ZNF787: variants seen among roughly 807,000 people sequenced by gnomAD.
ZNF787 encodes the protein TTF-I-interacting peptide 20.
A neutral mutation model predicts 16.9 loss-of-function variants in ZNF787; 7 were observed. The ratio of observed to expected loss-of-function variants is 0.42; its 90% CI spans 0.24 to 0.78. The LOEUF is 0.78. ZNF787 is among the 30% of genes least tolerant of loss of function. ZNF787 has a pLI of 0.30. For synonymous variants in ZNF787, 345 were observed against 270.9 expected (o/e 1.27, Z -2.69); for missense variants, 551 against 589.3 (o/e 0.94, Z 0.67).
intron 1 of ZNF787, among the ~76,000 whole-genome samples, chr19:56,110,902 G>A (rs900227572): frequency 3.9e-5 from 6 of 152,236 alleles, no homozygotes; most frequent in African/African-American, 1.4e-4. Context: ...TGCCCAGCTA[G>A]GCACAAGGCA....
Position 56,117,968 on chromosome 19 carries a change from T to G in ZNF787, c.-11+3204A>C, listed in dbSNP as rs554187156. Among the ~76,000 whole-genome samples the G allele has an allele frequency of 1.0e-3, 152 of 152,356 alleles. 1 individual carries two copies. The highest frequency in any genetic ancestry group is 1.7e-3 in the Non-Finnish European group (116 of 68,034). ...GCACAAGAGAGACGTCCACACTCTGTGAGCCCAAAGGGAGAAGGCTCAGGC... is the reference window on the plus strand; with the variant it reads ...GCACAAGAGAGACGTCCACACTCTGGGAGCCCAAAGGGAGAAGGCTCAGGC... On this transcript the variant is annotated intron_variant, in intron 1 of 2. Transcript: ENST00000610935.
chr19:56,099,719 A>AAAAAG (rs1986016718), intron 2 of ZNF787, among the ~76,000 whole-genome samples: 1 of 150,908 alleles, frequency 6.6e-6, no homozygotes, highest in Non-Finnish European at 1.5e-5. Flanking sequence ...TCAAAAAAAA[A>AAAAAG]AAAAAAGAAA....
At chr19:56,115,064 G>T (rs554554216) in intron 1 of ZNF787, among the ~76,000 whole-genome samples, 1 of 152,118 alleles carries the variant, frequency 6.6e-6, no homozygotes, top group East Asian at 1.9e-4. Context: ...TCTTGCATGG[G>T]GCCCTCATTT....
intron 1 of ZNF787, among the ~76,000 whole-genome samples, chr19:56,110,585 G>A (rs1193623655): frequency 2.6e-5 from 4 of 151,852 alleles, no homozygotes; most frequent in African/African-American, 9.7e-5. Context: ...TGAGGAGGTG[G>A]TGGGGGCTGC....
chr19:56,106,653 T>C (rs554543380), intron 1 of ZNF787, among the ~76,000 whole-genome samples: 1 of 151,762 alleles, frequency 6.6e-6, no homozygotes, highest in African/African-American at 2.4e-5. Context: ...CCCCACCTCG[T>C]TCCCCAACAA....
chr19:56,090,783 C>A (rs377119242), intron 2 of ZNF787, among the ~76,000 whole-genome samples: 6 of 152,356 alleles, frequency 3.9e-5, no homozygotes, highest in African/African-American at 1.2e-4. Flanking sequence ...GATCACACCA[C>A]TGCATTCCAG....
At chr19:56,093,361 G>A (rs531892107) in intron 2 of ZNF787, among the ~76,000 whole-genome samples, 1 of 152,222 alleles carries the variant, frequency 6.6e-6, no homozygotes, top group East Asian at 1.9e-4. Flanking sequence ...GAACTGGGAT[G>A]CCCTATATTA....
At chr19:56,096,788 GT>G in intron 2 of ZNF787, among the ~76,000 whole-genome samples, 1 of 152,070 alleles carries the variant, frequency 6.6e-6, no homozygotes, top group Non-Finnish European at 1.5e-5. Context: ...CATGGAGCCC[GT>G]GCTCACCCGA....
intron 2 of ZNF787, among the ~76,000 whole-genome samples, chr19:56,090,404 T>C (rs1443333424): frequency 1.3e-5 from 2 of 151,762 alleles, no homozygotes; most frequent in Non-Finnish European, 2.9e-5. Flanking sequence ...CATCTACCAC[T>C]AACTGCGGCC....
rs2030098637 is a variant in ZNF787 at position 56,115,293 on chromosome 19, T to C, written c.-11+5879A>G. ...GGTTCAGGACGCAGAGGGAAGCCGTTGTCCCGTGCTCTGGCCCCTCTCCCT... is the reference window on the plus strand; with the variant it reads ...GGTTCAGGACGCAGAGGGAAGCCGTCGTCCCGTGCTCTGGCCCCTCTCCCT... On this transcript the variant is annotated intron_variant, in intron 1 of 2. Coordinates refer to ENST00000610935, the MANE Select transcript of ZNF787 (RefSeq NM_001002836.4). Among the ~76,000 whole-genome samples the C allele has an allele frequency of 2.0e-5, 3 of 151,768 alleles. No homozygotes were observed. In the South Asian group the frequency reaches 6.3e-4, roughly 32 times the overall value.
At chr19:56,089,137 GGCTCCACGCCT>G (rs1348860181) in intron 2 of ZNF787, 45 bp from the exon 3 acceptor site, 1 of 1,383,206 alleles carries the variant, frequency 7.2e-7, no homozygotes, top group Non-Finnish European at 9.5e-7. Flanking sequence ...GAGAGGCAAG[GGCTCCACGCCT>G]GCCTTGGCTG....
At position 56,087,850 on chromosome 19, in the gene ZNF787, T is replaced by G. The variant is rs146447936; in HGVS notation, c.*173A>C. 2.7e-5 allele frequency: 29 copies of G among 1,081,178 alleles called. No homozygotes were observed. The highest frequency in any genetic ancestry group is 1.5e-4 in the African/African-American group (9 of 60,020). 67.0% of individuals were successfully genotyped at this position (1,081,178 alleles called of 1,614,324 possible). On this transcript the variant is annotated 3_prime_UTR_variant, in exon 3 of 3. Transcript: ENST00000610935. ...AGGCGGAGAAGTGAACGGGCCCTAA[T>G]ACGCCCCAGTGCCCCCCCACGGACG...
intron 2 of ZNF787, among the ~76,000 whole-genome samples, chr19:56,095,567 GCA>G (rs1448570563): frequency 6.6e-6 from 1 of 152,178 alleles, no homozygotes; most frequent in East Asian, 1.9e-4. Flanking sequence ...CTGCACAGAT[GCA>G]CACACTCCAG....
chr19:56,117,378 T>C (rs865961399), intron 1 of ZNF787, among the ~76,000 whole-genome samples: 154 of 147,670 alleles, frequency 1.0e-3, no homozygotes, highest in African/African-American at 3.8e-3. Context: ...ACAAGCGGAG[T>C]GGCTAGTACA....
intron 1 of ZNF787, among the ~76,000 whole-genome samples, chr19:56,113,146 A>G (rs1273138876): frequency 1.3e-5 from 2 of 152,168 alleles, no homozygotes; most frequent in Non-Finnish European, 2.9e-5. Context: ...TGATAGGCAC[A>G]TGCAAGGATG....
chr19:56,091,665 G>A (rs7250351), intron 2 of ZNF787, among the ~76,000 whole-genome samples: 106,146 of 152,178 alleles, frequency 0.7, 41,275 homozygotes, highest in South Asian at 0.93. Flanking sequence ...CTTCTCTACA[G>A]GCATCTCTGC....
intron 2 of ZNF787, among the ~76,000 whole-genome samples, chr19:56,092,744 G>T (rs2123393524): frequency 6.6e-6 from 1 of 152,118 alleles, no homozygotes; most frequent in East Asian, 1.9e-4. Context: ...AGACACAGGG[G>T]ATGACAGAGC....
At position 56,088,236 on chromosome 19, in the gene ZNF787, GC is replaced by G. The variant is rs1985411313; in HGVS notation, c.935del (p.Gly312AlafsTer202). The part of the protein sequence containing the change: ...QHGDGLGAAG[G>X]EEPAHICVEC... ...CCACGCAGATGTGGGCCGGCTCCTC[GC>G]CCCCCGCCGCCCCGAGCCCGTCCCC... is the stretch of plus-strand genomic sequence containing the variant. On this transcript the variant is annotated frameshift_variant, in exon 3 of 3. Transcript: ENST00000610935. LOFTEE classifies it high-confidence loss of function. This position sits in a 1 kb window ranked among gnomAD's most constrained non-coding sequence, Gnocchi z 8.6. 5.4e-6 allele frequency: 8 copies of G among 1,478,022 alleles called. No individual in the cohort carries two copies. Among genetic ancestry groups the G allele is most frequent in the East Asian group, 6.1e-5 (2 of 32,684 alleles). The allele number at this position is 1,478,022 out of a possible 1,614,324, so 91.6% of individuals were successfully genotyped here.
intron 1 of ZNF787, among the ~76,000 whole-genome samples, chr19:56,113,482 G>T (rs1196690804): frequency 6.6e-6 from 1 of 152,218 alleles, no homozygotes; most frequent in East Asian, 1.9e-4. Context: ...TGTCCATATG[G>T]ATGAACTAAC....
Sources: allele counts gnomAD v4.1 joint callset (sites outside exome capture counted in the v4.1 genomes callset), GRCh38; gene constraint gnomAD v4.1.1; non-coding constraint Gnocchi (gnomAD v3.1); transcripts MANE v1.5; gene names NCBI Gene and HGNC (gene_info 2026-07-23, HGNC 2026-07-21).